Variants in GABRG3 observed in about 807,000 individuals in gnomAD.
GABRG3 encodes the protein gamma-aminobutyric acid type A receptor subunit gamma3.
In GABRG3, 25 loss-of-function variants were observed where a neutral mutation model predicts 48.8. The observed-to-expected ratio is 0.51, with a 90% CI of 0.37 to 0.72. The LOEUF is 0.72. GABRG3 is among the 30% of genes least tolerant of loss of function. GABRG3 has a pLI of 0.00. For synonymous variants in GABRG3, 227 were observed against 217.6 expected, an observed-to-expected ratio of 1.04 and a Z score of -0.38; for missense variants, 394 against 577.9, an observed-to-expected ratio of 0.68 and a Z score of 3.26.
intron 5 of GABRG3, among the ~76,000 whole-genome samples, chr15:27,348,190 G>A (rs1426610010): frequency 1.4e-5 from 2 of 143,842 alleles, no homozygotes; most frequent in African/African-American, 2.6e-5. Flanking sequence ...TCAAAGGCAG[G>A]TGTCATTAAA....
chr15:27,330,408 C>G (rs965870644), intron 5 of GABRG3, among the ~76,000 whole-genome samples: 5 of 152,192 alleles, frequency 3.3e-5, no homozygotes, highest in Non-Finnish European at 5.9e-5. Flanking sequence ...TGCTTCTGCT[C>G]CTCGCAAGTG....
At chr15:27,199,399 A>C (rs1448065687) in intron 3 of GABRG3, among the ~76,000 whole-genome samples, 1 of 152,152 alleles carries the variant, frequency 6.6e-6, no homozygotes, top group Non-Finnish European at 1.5e-5. Flanking sequence ...TGTGTTCCCC[A>C]CTGGGAGGGT....
At chr15:27,019,691 T>A (rs766976049) in intron 2 of GABRG3, among the ~76,000 whole-genome samples, 6 of 152,080 alleles carry the variant, frequency 3.9e-5, no homozygotes, top group African/African-American at 9.7e-5. Context: ...TCAGTGGGAC[T>A]CTTAGTTTAG....
intron 5 of GABRG3, among the ~76,000 whole-genome samples, chr15:27,351,129 GTGTT>G (rs1028292992): frequency 1.4e-5 from 2 of 147,796 alleles, no homozygotes; most frequent in East Asian, 2.1e-4. Flanking sequence ...TATGGTGCGT[GTGTT>G]TGAGTATGGT....
At chr15:27,167,389 G>A (rs1051528231) in intron 3 of GABRG3, among the ~76,000 whole-genome samples, 1 of 152,198 alleles carries the variant, frequency 6.6e-6, no homozygotes, top group African/African-American at 2.4e-5. Context: ...ATCCCATGTA[G>A]AGAAAGAGCA....
intron 3 of GABRG3, among the ~76,000 whole-genome samples, chr15:27,245,677 G>GCCTGGCCAACATGGTGAAACCCT (rs2140456258): frequency 9.7e-6 from 1 of 102,702 alleles, no homozygotes; most frequent in African/African-American, 5.1e-5. Flanking sequence ...TTCGAAACCA[G>GCCTGGCCAACATGGTGAAACCCT]CCTGGCCAAC....
chr15:27,466,227 T>C (rs1424132996), intron 5 of GABRG3, among the ~76,000 whole-genome samples: 1 of 152,206 alleles, frequency 6.6e-6, no homozygotes, highest in Non-Finnish European at 1.5e-5. Context: ...CAATATTCCA[T>C]AGAAGACCAC....
intron 3 of GABRG3, among the ~76,000 whole-genome samples, chr15:27,177,766 G>A (rs1347605810): frequency 6.6e-6 from 1 of 152,232 alleles, no homozygotes; most frequent in African/African-American, 2.4e-5. Context: ...CCAGAGCTGG[G>A]CAGTGGTGAA....
At chr15:27,304,284 G>T (rs1892315410) in intron 3 of GABRG3, among the ~76,000 whole-genome samples, 1 of 151,894 alleles carries the variant, frequency 6.6e-6, no homozygotes, top group Non-Finnish European at 1.5e-5. Flanking sequence ...ATTTGTGGAA[G>T]ATATGACACT....
chr15:27,231,951 A>C (rs982686970), intron 3 of GABRG3, among the ~76,000 whole-genome samples: 1 of 152,218 alleles, frequency 6.6e-6, no homozygotes, highest in Non-Finnish European at 1.5e-5. Flanking sequence ...CCTGAGGTTC[A>C]TAAGATTTTC....
rs954497164 is a variant in GABRG3, at chr15:27,307,341, G to T, written c.271-19468G>T. 3.2e-4 allele frequency among the ~76,000 whole-genome samples: 43 copies of T among 133,518 alleles called. 1 individual carries two copies. The highest frequency in any genetic ancestry group is 1.1e-3 in the African/African-American group (39 of 35,196). 87.6% of individuals were successfully genotyped at this position (133,518 alleles called of 152,430 possible). A position where few individuals can be genotyped will look rare whatever the true frequency, so the allele number is the denominator to read the frequency against. On this transcript the variant is annotated intron_variant, in intron 3 of 9. Transcript: ENST00000615808. ...TATATATGTTTATATATAACCATAG[G>T]TTTATATATGTTTATATATAACCAT...
intron 2 of GABRG3, among the ~76,000 whole-genome samples, chr15:26,999,812 T>A (rs1444270109): frequency 6.6e-6 from 1 of 152,098 alleles, no homozygotes; most frequent in Non-Finnish European, 1.5e-5. Context: ...AATATTTTTC[T>A]TTTATTTAAG....
intron 7 of GABRG3, among the ~76,000 whole-genome samples, chr15:27,521,005 G>A (rs1891147607): frequency 1.3e-5 from 2 of 151,810 alleles, no homozygotes; most frequent in African/African-American, 2.4e-5. Context: ...TAGAAAATAC[G>A]TGGTAGAATT....
At chr15:27,070,652 A>G (rs1214606650) in intron 3 of GABRG3, among the ~76,000 whole-genome samples, 6 of 152,248 alleles carry the variant, frequency 3.9e-5, no homozygotes, top group Admixed American at 3.9e-4. Flanking sequence ...GACAATTTGT[A>G]TAAATGAAAA....
At chr15:27,117,408 T>G (rs1317596422) in intron 3 of GABRG3, among the ~76,000 whole-genome samples, 1 of 152,192 alleles carries the variant, frequency 6.6e-6, no homozygotes, top group Admixed American at 6.5e-5. Flanking sequence ...GAGTCCTCTC[T>G]GTGTAGCCTA....
At chr15:27,110,003 T>G (rs1212647314) in intron 3 of GABRG3, among the ~76,000 whole-genome samples, 1 of 152,246 alleles carries the variant, frequency 6.6e-6, no homozygotes, top group African/African-American at 2.4e-5. Flanking sequence ...TTAATTGGTG[T>G]GTTTAGGCTG....
chr15:27,233,794 G>T (rs1889875175), intron 3 of GABRG3, among the ~76,000 whole-genome samples: 1 of 152,200 alleles, frequency 6.6e-6, no homozygotes. Flanking sequence ...CCCAGATTAG[G>T]ATACCAATAG....
At chr15:27,054,075 T>A (rs1268705439) in intron 3 of GABRG3, among the ~76,000 whole-genome samples, 2 of 151,992 alleles carry the variant, frequency 1.3e-5, no homozygotes, top group African/African-American at 2.4e-5. Flanking sequence ...CTGGCTAACC[T>A]GGTGAAACCC....
chr15:27,258,205 G>A (rs1890677953), intron 3 of GABRG3, among the ~76,000 whole-genome samples: 2 of 152,134 alleles, frequency 1.3e-5, no homozygotes, highest in South Asian at 4.1e-4. Flanking sequence ...TGGTTAGTGG[G>A]TGCAAACAGG....
Sources: allele counts gnomAD v4.1 joint callset (sites outside exome capture counted in the v4.1 genomes callset), GRCh38; gene constraint gnomAD v4.1.1; transcripts MANE v1.5; gene names NCBI Gene and HGNC (gene_info 2026-07-23, HGNC 2026-07-21).